The following DACH2 variants were observed in gnomAD, a reference collection of about 807,000 sequenced individuals.
The protein encoded by DACH2 is dachshund family transcription factor 2.
Under a neutral mutation model 35.8 loss-of-function variants are expected in DACH2, and 17 were observed. The observed-to-expected ratio is 0.48, with a 90% CI of 0.33 to 0.71. The LOEUF (loss-of-function observed/expected upper bound fraction) is 0.71, where lower values mean the gene tolerates loss of function less well. Ranked by LOEUF, DACH2 falls within the 30% of genes least tolerant of loss-of-function variation. The probability of loss-of-function intolerance (pLI) is 0.02; values close to 1 mark genes in which losing one functional copy is unlikely to be tolerated. For synonymous variants in DACH2, 195 were observed against 177.3 expected, an observed-to-expected ratio of 1.10 and a Z score of -0.79; for missense variants, 469 against 472.7, an observed-to-expected ratio of 0.99 and a Z score of 0.07.
At chrX:86,218,931 T>C (rs906962417) in intron 1 of DACH2, among the ~76,000 whole-genome samples, 1 of 112,070 alleles carries the variant, frequency 8.9e-6, no homozygotes, top group Non-Finnish European at 1.9e-5. Flanking sequence ...GGGTTGATCT[T>C]CTCTCATTTC....
chrX:86,329,971 G>T (rs923518684), intron 1 of DACH2, among the ~76,000 whole-genome samples: 14 of 111,658 alleles, frequency 1.3e-4, no homozygotes, highest in African/African-American at 3.9e-4. Context: ...ATTTTTCTTT[G>T]AAAATGGAGA....
At chrX:86,613,545 G>A (rs952870002) in intron 3 of DACH2, among the ~76,000 whole-genome samples, 5 of 111,556 alleles carry the variant, frequency 4.5e-5, no homozygotes, top group African/African-American at 1.6e-4. Context: ...CTTCCCAATG[G>A]TGTATACCAT....
At chrX:86,623,439 T>G (rs759872271) in intron 3 of DACH2, among the ~76,000 whole-genome samples, 1 of 109,098 alleles carries the variant, frequency 9.2e-6, no homozygotes, top group African/African-American at 3.5e-5. Flanking sequence ...AATACCAAGT[T>G]TTTTTGGGAA....
chrX:86,291,695 G>C (rs1293847398), intron 1 of DACH2, among the ~76,000 whole-genome samples: 1 of 101,682 alleles, frequency 9.8e-6, no homozygotes, highest in Non-Finnish European at 2.0e-5. Flanking sequence ...TGTGGTTTTT[G>C]TCTTTGGTTC....
rs747316628 is a variant in DACH2, at chrX:86,148,492, T to A, written c.-129T>A. ...GAGCGTGAGCCGGCTGCTGAAGACT[T>A]GCGAACAGTTCGGAGCCAGCGAGAG... On this transcript the variant is annotated 5_prime_UTR_variant, in exon 1 of 12. Coordinates refer to ENST00000373125, the MANE Select transcript of DACH2 (RefSeq NM_053281.3). 131 of 783,724 alleles carry A rather than the reference T, an allele frequency of 1.7e-4. No homozygotes were observed. The South Asian group carries it at 3.6e-3, about 21-fold the overall frequency. 64.6% of individuals were successfully genotyped at this position (783,724 alleles called of 1,213,427 possible). A position where few individuals can be genotyped will look rare whatever the true frequency, so the allele number is the denominator to read the frequency against.
chrX:86,572,540 T>G (rs2039384887), intron 3 of DACH2, among the ~76,000 whole-genome samples: 1 of 111,704 alleles, frequency 9.0e-6, no homozygotes, highest in Non-Finnish European at 1.9e-5. Context: ...CTTATTGCCT[T>G]ATTTAGCTGG....
intron 1 of DACH2, among the ~76,000 whole-genome samples, chrX:86,301,874 G>A (rs2034582670): frequency 9.0e-6 from 1 of 111,446 alleles, no homozygotes; most frequent in Non-Finnish European, 1.9e-5. Flanking sequence ...ACTTATGGGA[G>A]TCCAGTGTAT....
intron 7 of DACH2, among the ~76,000 whole-genome samples, chrX:86,744,658 T>C (rs2041692324): frequency 8.9e-6 from 1 of 111,853 alleles, no homozygotes; most frequent in Non-Finnish European, 1.9e-5. Flanking sequence ...TTATAATACA[T>C]GTCTCAAAGT....
chrX:86,672,755 C>A (rs945789759), intron 4 of DACH2, among the ~76,000 whole-genome samples: 1 of 111,491 alleles, frequency 9.0e-6, no homozygotes, highest in African/African-American at 3.3e-5. Flanking sequence ...TCTACTGGGG[C>A]AGTGTGAGGG....
At chrX:86,407,676 G>A (rs1424781709) in intron 2 of DACH2, among the ~76,000 whole-genome samples, 1 of 112,290 alleles carries the variant, frequency 8.9e-6, no homozygotes, top group Admixed American at 9.5e-5. Context: ...AGTCAGTGAT[G>A]CAGATTTTTT....
chrX:86,820,122 G>A (rs2042495439), intron 11 of DACH2, among the ~76,000 whole-genome samples: 1 of 111,561 alleles, frequency 9.0e-6, no homozygotes, highest in Non-Finnish European at 1.9e-5. Context: ...GGGAGATAAC[G>A]TCATAAAGTA....
chrX:86,599,433 C>A (rs1446181149), intron 3 of DACH2, among the ~76,000 whole-genome samples: 2 of 104,507 alleles, frequency 1.9e-5, no homozygotes, highest in Admixed American at 2.1e-4. Flanking sequence ...TCTTTCTCTT[C>A]CTCTCTCTTT....
At chrX:86,779,904 A>C (rs1208085995) in intron 7 of DACH2, among the ~76,000 whole-genome samples, 1 of 111,598 alleles carries the variant, frequency 9.0e-6, no homozygotes, top group Non-Finnish European at 1.9e-5. Context: ...GCCCCAATAA[A>C]GCACTTTGGC....
chrX:86,228,745 G>T (rs1302069699), intron 1 of DACH2, among the ~76,000 whole-genome samples: 1 of 111,316 alleles, frequency 9.0e-6, no homozygotes, highest in Non-Finnish European at 1.9e-5. Context: ...TGTATTTTTT[G>T]GCCATTTGTG....
chrX:86,316,637 T>A (rs773760541), intron 1 of DACH2, among the ~76,000 whole-genome samples: 9 of 111,498 alleles, frequency 8.1e-5, no homozygotes, highest in Non-Finnish European at 1.5e-4. Flanking sequence ...GGGCGATGAC[T>A]TCTTCAGGCT....
At chrX:86,479,151 G>A (rs1602565646) in intron 2 of DACH2, among the ~76,000 whole-genome samples, 2 of 111,227 alleles carry the variant, frequency 1.8e-5, no homozygotes, top group South Asian at 7.6e-4. Context: ...GCTGTCGATG[G>A]CCTGTCGGCA....
intron 2 of DACH2, among the ~76,000 whole-genome samples, chrX:86,418,017 A>G (rs1323639490): frequency 2.7e-5 from 3 of 111,677 alleles, no homozygotes; most frequent in South Asian, 7.5e-4. Flanking sequence ...CAAGTCCAAC[A>G]TCTAGCAGGG....
chrX:86,799,417 G>A (rs2042270254), intron 7 of DACH2, among the ~76,000 whole-genome samples: 3 of 112,187 alleles, frequency 2.7e-5, no homozygotes, highest in African/African-American at 9.7e-5. Context: ...AATAGGAACA[G>A]CTCGTGTCTG....
chrX:86,427,367 G>A (rs886511897), intron 2 of DACH2, among the ~76,000 whole-genome samples: 19 of 111,138 alleles, frequency 1.7e-4, no homozygotes, highest in Non-Finnish European at 3.2e-4. Flanking sequence ...AATTGTTGAG[G>A]ATTAGTTCCC....
Sources: gnomAD v4.1 joint callset for allele counts (sites outside exome capture counted in the v4.1 genomes callset) on GRCh38, gnomAD v4.1.1 for gene constraint, MANE v1.5 for transcripts, NCBI Gene and HGNC (gene_info 2026-07-23, HGNC 2026-07-21) for gene names.